ZFHX3: variants seen among roughly 807,000 people sequenced by gnomAD.
ZFHX3 encodes zinc finger homeobox protein 3.
A neutral mutation model predicts 279.1 loss-of-function variants in ZFHX3; 42 were observed. The observed-to-expected ratio is 0.15, with a 90% CI of 0.12 to 0.19. ZFHX3 has a LOEUF of 0.19. ZFHX3 is among the 10% of genes least tolerant of loss of function. The pLI is 1.00. For missense variants in ZFHX3, 4,981 were observed against 4,754.0 expected (o/e 1.05, Z -1.40); for synonymous variants, 2,293 against 1,957.8 (o/e 1.17, Z -4.52).
intron 3 of ZFHX3, among the ~76,000 whole-genome samples, chr16:73,353,916 TGCGCTGCATTGTATGAA>T: frequency 6.6e-6 from 1 of 152,360 alleles, no homozygotes; most frequent in East Asian, 1.9e-4. Context: ...AAATACGCCA[TGCGCTGCATTGTATGAA>T]GCACTTCACA....
intron 5 of ZFHX3, among the ~76,000 whole-genome samples, chr16:73,161,624 T>A (rs1967237823): frequency 6.6e-6 from 1 of 152,228 alleles, no homozygotes; most frequent in Admixed American, 6.5e-5. Context: ...ATTAGCATGA[T>A]GAGAAGTGCT....
At chr16:73,679,949 T>G (rs992837978) in intron 2 of ZFHX3, 5 of 152,206 alleles carry the variant, frequency 3.3e-5, no homozygotes, top group African/African-American at 1.2e-4. Flanking sequence ...GCAGAGGATA[T>G]CAGAGCTGTG....
intron 4 of ZFHX3, among the ~76,000 whole-genome samples, chr16:72,889,074 G>C (rs1298651678): frequency 6.6e-6 from 1 of 151,826 alleles, no homozygotes; most frequent in Non-Finnish European, 1.5e-5. Flanking sequence ...GAGGGAGGGA[G>C]GTGGGGAAAA....
intron 2 of ZFHX3, among the ~76,000 whole-genome samples, chr16:73,589,559 G>C: frequency 6.7e-6 from 1 of 149,842 alleles, no homozygotes; most frequent in South Asian, 2.1e-4. Flanking sequence ...GTGAAACCCC[G>C]TCTCTACTAA....
chr16:73,809,626 G>C (rs1483973543), intron 1 of ZFHX3: 1 of 152,086 alleles, frequency 6.6e-6, no homozygotes, highest in African/African-American at 2.4e-5. Context: ...TCCTGAAGAG[G>C]GTGGAAGGGT....
intron 1 of ZFHX3, among the ~76,000 whole-genome samples, chr16:73,042,686 C>T (rs1359135832): frequency 6.6e-6 from 1 of 151,986 alleles, no homozygotes; most frequent in African/African-American, 2.4e-5. Context: ...GGTCTCACTC[C>T]CAGATCAAAG....
intron 7 of ZFHX3, among the ~76,000 whole-genome samples, chr16:73,115,395 A>G (rs935661048): frequency 2.8e-4 from 43 of 151,592 alleles, no homozygotes; most frequent in African/African-American, 9.7e-4. Flanking sequence ...AAAAAAAAAA[A>G]AAAATCAGCT....
chr16:73,466,607 T>G (rs2018577017), intron 2 of ZFHX3, among the ~76,000 whole-genome samples: 1 of 152,072 alleles, frequency 6.6e-6, no homozygotes, highest in South Asian at 2.1e-4. Context: ...GGAAAAAAAA[T>G]AGCTGATCTG....
At chr16:73,602,719 G>C (rs1319567475) in intron 2 of ZFHX3, among the ~76,000 whole-genome samples, 1 of 151,920 alleles carries the variant, frequency 6.6e-6, no homozygotes, top group Non-Finnish European at 1.5e-5. Context: ...GGCTCAGGGG[G>C]GCAGATCACG....
In ZFHX3 at chr16:72,957,962, G is replaced by A. The variant is rs747168149; in HGVS notation, c.2184C>T (p.Cys728=). 9.3e-6 allele frequency: 15 copies of A among 1,614,116 alleles called. No homozygotes were observed. In the East Asian group the frequency reaches 1.8e-4, roughly 19 times the overall value. Residue 728 remains cysteine (C), a synonymous_variant, in exon 2 of 10, where the codon TGC becomes TGT. Transcript: ENST00000268489. ...SYTCGYKPFR[C]EVCNYSTTTK... is the part of the protein sequence containing the mutation. ...TAGTTGTGGAGTAGTTACACACCTC[G>A]CAGCGGAAAGGCTTGTAACCACACG...
At chr16:73,326,287 A>AAG (rs1267854860) in intron 3 of ZFHX3, among the ~76,000 whole-genome samples, 2 of 152,226 alleles carry the variant, frequency 1.3e-5, no homozygotes, top group Non-Finnish European at 1.5e-5. Context: ...GACAGACCAG[A>AAG]AGACACTGAA....
intron 2 of ZFHX3, among the ~76,000 whole-genome samples, chr16:73,549,748 G>A (rs2020175456): frequency 6.6e-6 from 1 of 152,142 alleles, no homozygotes; most frequent in African/African-American, 2.4e-5. Context: ...AATGTTTATA[G>A]GCCAGCTTAA....
chr16:73,782,133 G>C (rs1053536243), intron 1 of ZFHX3, among the ~76,000 whole-genome samples: 2 of 152,200 alleles, frequency 1.3e-5, no homozygotes, highest in Non-Finnish European at 2.9e-5. Flanking sequence ...TGGTGCTTTA[G>C]ATGCTCAGCT....
At chr16:73,010,974 TTTTG>T (rs1285621917) in intron 1 of ZFHX3, among the ~76,000 whole-genome samples, 2 of 151,948 alleles carry the variant, frequency 1.3e-5, no homozygotes, top group African/African-American at 2.4e-5. Context: ...TGGGTTAATT[TTTTG>T]TTTGTTTTAT....
intron 1 of ZFHX3, among the ~76,000 whole-genome samples, chr16:73,042,525 ACC>A (rs1298325562): frequency 6.6e-6 from 1 of 151,650 alleles, no homozygotes; most frequent in Non-Finnish European, 1.5e-5. Context: ...CCTACACATG[ACC>A]CCTCCAGTGT....
intron 4 of ZFHX3, among the ~76,000 whole-genome samples, chr16:73,316,445 C>T (rs1305337980): frequency 6.6e-6 from 1 of 152,158 alleles, no homozygotes; most frequent in African/African-American, 2.4e-5. Flanking sequence ...CTGGGCCTTC[C>T]CCGTTGCTCT....
intron 3 of ZFHX3, among the ~76,000 whole-genome samples, chr16:73,344,986 C>CT (rs2016098147): frequency 1.3e-5 from 2 of 152,110 alleles, no homozygotes; most frequent in Non-Finnish European, 2.9e-5. Flanking sequence ...TCCCTTGGGC[C>CT]TTTGTTTTTC....
rs540711891 is a variant in ZFHX3, at chr16:73,723,769, T to C, written c.-1607-43529A>G. Among the ~76,000 whole-genome samples the C allele has an allele frequency of 2.6e-3, 391 of 152,344 alleles. 1 individual carries two copies. Among genetic ancestry groups the C allele is most frequent in the Non-Finnish European group, 4.7e-3 (318 of 68,030 alleles). ...TGAAACAATGTCTTCAAATGTAGGATAAACTGGCTGAATTAAACGATCTTT... is the reference window on the plus strand; with the variant it reads ...TGAAACAATGTCTTCAAATGTAGGACAAACTGGCTGAATTAAACGATCTTT... On this transcript the variant is annotated intron_variant, in intron 1 of 17. Transcript: ENST00000641206.
chr16:73,784,373 C>T (rs904519674), intron 1 of ZFHX3, among the ~76,000 whole-genome samples: 6 of 151,904 alleles, frequency 3.9e-5, no homozygotes, highest in Non-Finnish European at 7.4e-5. Flanking sequence ...AATAGCAATA[C>T]ATGATGATCA....
Sources: allele counts gnomAD v4.1 joint callset (sites outside exome capture counted in the v4.1 genomes callset), GRCh38; gene constraint gnomAD v4.1.1; transcripts MANE v1.5; gene names NCBI Gene and HGNC (gene_info 2026-07-23, HGNC 2026-07-21).